Variants in NXN observed in about 807,000 individuals in gnomAD.
NXN encodes the protein nucleoredoxin 1.
A neutral mutation model predicts 48.6 loss-of-function variants in NXN; 16 were observed. The observed-to-expected ratio is 0.33, with a 90% CI of 0.22 to 0.50. The LOEUF (loss-of-function observed/expected upper bound fraction) is 0.50. Ranked by LOEUF, NXN falls within the 20% of genes least tolerant of loss-of-function variation. The pLI is 0.98. For synonymous variants in NXN, 281 were observed against 269.6 expected, an observed-to-expected ratio of 1.04 and a Z score of -0.41; for missense variants, 492 against 605.5, an observed-to-expected ratio of 0.81 and a Z score of 1.97.
Position 800,955 on chromosome 17 carries a change from G to T in NXN, c.1302C>A (p.Pro434=). The T allele has an allele frequency of 6.8e-7, 1 of 1,470,126 alleles. No individual in the cohort carries two copies. Among genetic ancestry groups the T allele is most frequent in the South Asian group, 1.4e-5 (1 of 70,300 alleles). 91.1% of individuals were successfully genotyped at this position (1,470,126 alleles called of 1,614,324 possible). The change falls in exon 8 of 8, where the codon CCC becomes CCA. Residue 434 remains proline, a synonymous_variant. Coordinates refer to ENST00000336868, the MANE Select transcript of NXN (RefSeq NM_022463.5). The part of the protein sequence containing the change: ...DFLAEKLKPE[P]I ...TCAGGAGGCCGGAGCCACGCTAGAT[G>T]GGCTCCGGTTTGAGCTTCTCTGCTA...
chr17:855,350 C>G (rs1181458287), intron 1 of NXN, among the ~76,000 whole-genome samples: 1 of 152,150 alleles, frequency 6.6e-6, no homozygotes, highest in Non-Finnish European at 1.5e-5. Flanking sequence ...TCCCCCGGGT[C>G]TGATAGCGCC....
chr17:819,721 C>G (rs1378560343), intron 4 of NXN, among the ~76,000 whole-genome samples, 176 bp from the exon 5 acceptor site: 1 of 152,170 alleles, frequency 6.6e-6, no homozygotes. Context: ...CTGGTGTCCA[C>G]CAAGAAGCAA....
At chr17:859,511 A>G (rs1276263840) in intron 1 of NXN, among the ~76,000 whole-genome samples, 1 of 152,242 alleles carries the variant, frequency 6.6e-6, no homozygotes, top group African/African-American at 2.4e-5. Flanking sequence ...GGTTCCCAGC[A>G]ACCCTTATGC....
intron 1 of NXN, among the ~76,000 whole-genome samples, chr17:865,363 C>T (rs906103908): frequency 5.3e-5 from 8 of 152,054 alleles, no homozygotes; most frequent in African/African-American, 1.9e-4. Context: ...CTGCCTCAGC[C>T]TCCTGCATAG....
At chr17:864,168 G>A in intron 1 of NXN, 1 of 1,091,188 alleles carries the variant, frequency 9.2e-7, no homozygotes, top group Non-Finnish European at 1.3e-6. Flanking sequence ...TCCGGTGAAG[G>A]GACGCGTCTG....
intron 1 of NXN, among the ~76,000 whole-genome samples, chr17:876,438 C>T (rs546377479): frequency 1.3e-5 from 2 of 152,250 alleles, no homozygotes; most frequent in South Asian, 2.1e-4. Flanking sequence ...ACTCCCAATC[C>T]GGCTCATGAC....
At chr17:938,661 G>A (rs528938007) in intron 1 of NXN, among the ~76,000 whole-genome samples, 41 of 152,118 alleles carry the variant, frequency 2.7e-4, no homozygotes, top group Non-Finnish European at 5.6e-4. Flanking sequence ...TCCAGCCTGG[G>A]TGACAGAGTG....
intron 1 of NXN, among the ~76,000 whole-genome samples, chr17:879,193 G>A (rs1025360321): frequency 6.6e-6 from 1 of 152,118 alleles, no homozygotes; most frequent in Non-Finnish European, 1.5e-5. Context: ...GACAGAGAGG[G>A]AAGGAGAAGG....
At chr17:822,103 AC>A (rs1369218649) in intron 4 of NXN, among the ~76,000 whole-genome samples, 5 of 151,868 alleles carry the variant, frequency 3.3e-5, no homozygotes, top group Non-Finnish European at 5.9e-5. Flanking sequence ...ACATGGTGAA[AC>A]CCCATCTCCA....
At chr17:881,994 A>G (rs2068289582) in intron 1 of NXN, among the ~76,000 whole-genome samples, 1 of 151,306 alleles carries the variant, frequency 6.6e-6, no homozygotes, top group Non-Finnish European at 1.5e-5. Context: ...GGAGATGGAA[A>G]TGTTCTTGGT....
chr17:918,469 G>T (rs927834901), intron 1 of NXN, among the ~76,000 whole-genome samples: 2 of 152,064 alleles, frequency 1.3e-5, no homozygotes, highest in Non-Finnish European at 2.9e-5. Context: ...TTTCATTCCA[G>T]CTACTTTTTG....
At chr17:953,856 G>C (rs977841350) in intron 1 of NXN, among the ~76,000 whole-genome samples, 1 of 152,120 alleles carries the variant, frequency 6.6e-6, no homozygotes, top group African/African-American at 2.4e-5. Flanking sequence ...AGGATTGCTT[G>C]AGCCCAGAGG....
At chr17:876,496 C>G (rs1433574712) in intron 1 of NXN, among the ~76,000 whole-genome samples, 1 of 152,148 alleles carries the variant, frequency 6.6e-6, no homozygotes, top group African/African-American at 2.4e-5. Context: ...GTCCTTTGCT[C>G]TAAGCGTGTT....
chr17:820,270 T>C (rs1597627776), intron 4 of NXN, among the ~76,000 whole-genome samples: 1 of 152,284 alleles, frequency 6.6e-6, no homozygotes, highest in Non-Finnish European at 1.5e-5. Flanking sequence ...GCATGCATTT[T>C]ACAATATATA....
chr17:937,966 G>A (rs144587828), intron 1 of NXN, among the ~76,000 whole-genome samples: 5 of 152,360 alleles, frequency 3.3e-5, no homozygotes, highest in East Asian at 3.9e-4. Context: ...GCCACGGGGC[G>A]CAGGGGCCGT....
Position 919,461 on chromosome 17 carries a change from G to C in NXN, c.360+59858C>G, listed in dbSNP as rs2068723249. Among the ~76,000 whole-genome samples the C allele has an allele frequency of 6.6e-6, 1 of 152,184 alleles. No homozygotes were observed. The stretch of plus-strand genomic sequence containing the variant: ...AGGGCAATCATTCCTTAAGATGCTA[G>C]AAAACGTGTTATTGTAACACGAGGA... On this transcript the variant is annotated intron_variant, in intron 1 of 7. Transcript: ENST00000336868. The surrounding 1 kb of genome is among the most constrained non-coding windows in gnomAD (Gnocchi z 5.1).
chr17:897,088 C>A, intron 1 of NXN: 1 of 1,046,828 alleles, frequency 9.6e-7, no homozygotes. Context: ...GACTGGTAAC[C>A]CACGGCCACC....
chr17:803,696 A>T lies in NXN; in HGVS notation c.1111T>A (p.Phe371Ile), dbSNP rs1254836415. ...AKEEEAPLLF[F>I]VAGEDDMTDS... Reference sequence around the variant, plus strand: ...TCCGCACTCACCTCCCCGGCTACGAAGAACAGAAGGGGTGCCTCCTCCTCT... The same window carrying T: ...TCCGCACTCACCTCCCCGGCTACGATGAACAGAAGGGGTGCCTCCTCCTCT... The change falls in exon 7 of 8, where the codon TTC (phenylalanine) becomes ATC (isoleucine). Residue 371 changes from phenylalanine to isoleucine, a missense_variant. Coordinates refer to ENST00000336868, the MANE Select transcript of NXN (RefSeq NM_022463.5). The T allele has an allele frequency of 6.2e-7, 1 of 1,614,190 alleles. No homozygotes were observed. Among genetic ancestry groups the T allele is most frequent in the South Asian group, 1.1e-5 (1 of 91,080 alleles).
intron 1 of NXN, among the ~76,000 whole-genome samples, chr17:879,475 C>CG (rs1364551679): frequency 9.9e-5 from 15 of 151,696 alleles, no homozygotes; most frequent in Admixed American, 2.6e-4. Context: ...TTAGTAGAGA[C>CG]GGGGTCTCAC....
Sources: gnomAD v4.1 joint callset for allele counts (sites outside exome capture counted in the v4.1 genomes callset) on GRCh38, gnomAD v4.1.1 for gene constraint, Gnocchi (gnomAD v3.1) non-coding constraint, MANE v1.5 for transcripts, NCBI Gene and HGNC (gene_info 2026-07-23, HGNC 2026-07-21) for gene names.